Variants in MAP2 observed in about 807,000 individuals in gnomAD.
MAP2 encodes the protein microtubule associated protein 2, also known as microtubule-associated protein 2.
MAP2 carries 14 observed loss-of-function variants against 137.6 expected under a neutral mutation model. The ratio of observed to expected loss-of-function variants is 0.10; its 90% CI spans 0.07 to 0.16. The LOEUF is 0.16. Among genes scored for constraint, MAP2 ranks in the 10% least tolerant of loss-of-function variants. The probability of loss-of-function intolerance (pLI) is 1.00; values close to 1 mark genes in which losing one functional copy is unlikely to be tolerated. For synonymous variants in MAP2, 786 were observed against 782.3 expected, an observed-to-expected ratio of 1.00 and a Z score of -0.08; for missense variants, 2,088 against 2,191.5, an observed-to-expected ratio of 0.95 and a Z score of 0.94.
At chr2:209,469,165 A>AG (rs1392135718) in intron 1 of MAP2, among the ~76,000 whole-genome samples, 8 of 152,344 alleles carry the variant, frequency 5.3e-5, no homozygotes, top group African/African-American at 1.9e-4. Flanking sequence ...TTCCTCCATT[A>AG]GGAAACTCAT....
rs149689708 is a variant in MAP2 at position 209,669,599 on chromosome 2, A to G, written c.263-8973A>G. 7.2e-3 allele frequency among the ~76,000 whole-genome samples: 1,088 copies of G among 152,116 alleles called. 18 individuals carry two copies. Among genetic ancestry groups the G allele is most frequent in the South Asian group, 0.043 (209 of 4,824 alleles). The stretch of plus-strand genomic sequence containing the variant: ...TTAGAATGTAGAATTTTTTTCCATC[A>G]TATCCTGTCTCAGGCCAGCATTGGC... On this transcript the variant is annotated intron_variant, in intron 5 of 15. Coordinates refer to ENST00000682079, the MANE Select transcript of MAP2 (RefSeq NM_001375505.1).
intron 5 of MAP2, among the ~76,000 whole-genome samples, chr2:209,674,654 G>C (rs1290311777): frequency 6.6e-6 from 1 of 150,748 alleles, no homozygotes; most frequent in African/African-American, 2.5e-5. Context: ...TGGATGGATG[G>C]ATGGATGAGG....
chr2:209,543,586 TACA>T (rs2067434539), intron 2 of MAP2, among the ~76,000 whole-genome samples: 1 of 152,230 alleles, frequency 6.6e-6, no homozygotes, highest in African/African-American at 2.4e-5. Flanking sequence ...CTCCTTAGAA[TACA>T]ACGCTTCCTT....
At chr2:209,610,696 C>A (rs1459547187) in intron 3 of MAP2, among the ~76,000 whole-genome samples, 2 of 152,016 alleles carry the variant, frequency 1.3e-5, no homozygotes, top group South Asian at 2.1e-4. Flanking sequence ...ACGGAATAAG[C>A]AATCATGGCT....
chr2:209,717,819 GGTTTTTT>G (rs973230996), intron 13 of MAP2, among the ~76,000 whole-genome samples: 2 of 152,026 alleles, frequency 1.3e-5, no homozygotes, highest in East Asian at 3.9e-4. Flanking sequence ...GCAAAAAGGA[GGTTTTTT>G]GTTTTTTGTT....
chr2:209,665,048 T>C (rs1018272560), intron 5 of MAP2, among the ~76,000 whole-genome samples: 2 of 148,540 alleles, frequency 1.3e-5, no homozygotes, highest in African/African-American at 2.5e-5. Context: ...CTGAAAACAG[T>C]CTAGATTCAA....
chr2:209,565,220 T>C (rs1363406264), intron 2 of MAP2, among the ~76,000 whole-genome samples: 1 of 152,122 alleles, frequency 6.6e-6, no homozygotes, highest in African/African-American at 2.4e-5. Context: ...AAATTTCTTT[T>C]TGTTTTTATT....
intron 2 of MAP2, among the ~76,000 whole-genome samples, chr2:209,555,415 A>C (rs1310225277): frequency 6.6e-6 from 1 of 152,178 alleles, no homozygotes; most frequent in Non-Finnish European, 1.5e-5. Context: ...ATGGAGGCCG[A>C]GAGTTGGACA....
chr2:209,714,744 C>T (rs1381201524), intron 13 of MAP2, among the ~76,000 whole-genome samples: 1 of 152,172 alleles, frequency 6.6e-6, no homozygotes, highest in Non-Finnish European at 1.5e-5. Flanking sequence ...CACATTTTCA[C>T]AGAGTAAGAA....
chr2:209,549,305 A>C (rs764172071), intron 2 of MAP2, among the ~76,000 whole-genome samples: 6 of 152,186 alleles, frequency 3.9e-5, no homozygotes, highest in Non-Finnish European at 8.8e-5. Flanking sequence ...CACAGATGAG[A>C]AAACCAAGGT....
At chr2:209,462,443 A>T (rs1703051498) in intron 1 of MAP2, among the ~76,000 whole-genome samples, 1 of 152,190 alleles carries the variant, frequency 6.6e-6, no homozygotes, top group Admixed American at 6.5e-5. Context: ...GAGGTTTGAA[A>T]AATACTTAGT....
At chr2:209,558,543 C>T (rs569318679) in intron 2 of MAP2, among the ~76,000 whole-genome samples, 1 of 151,680 alleles carries the variant, frequency 6.6e-6, no homozygotes, top group Admixed American at 6.6e-5. Flanking sequence ...CTAAACACTT[C>T]GTCTTGTATC....
intron 2 of MAP2, among the ~76,000 whole-genome samples, chr2:209,546,738 A>G (rs1445873765): frequency 6.6e-6 from 1 of 152,250 alleles, no homozygotes; most frequent in African/African-American, 2.4e-5. Context: ...TATGTTACAA[A>G]TCAGAAAAAG....
intron 1 of MAP2, among the ~76,000 whole-genome samples, chr2:209,444,542 G>A (rs544382826): frequency 6.6e-6 from 1 of 151,514 alleles, no homozygotes; most frequent in East Asian, 1.9e-4. Context: ...GGGCTGGGCT[G>A]ATATTTTGAA....
chr2:209,524,233 A>C (rs571248989), intron 2 of MAP2, among the ~76,000 whole-genome samples: 1 of 152,260 alleles, frequency 6.6e-6, no homozygotes, highest in East Asian at 1.9e-4. Flanking sequence ...ATTTATCCCA[A>C]TTTAGAATCA....
chr2:209,622,247 A>G (rs918462776), intron 3 of MAP2, among the ~76,000 whole-genome samples: 1 of 152,204 alleles, frequency 6.6e-6, no homozygotes, highest in African/African-American at 2.4e-5. Flanking sequence ...CTTTGTAGGT[A>G]ATTCTAGTAA....
At chr2:209,505,106 T>C (rs1452295162) in intron 1 of MAP2, among the ~76,000 whole-genome samples, 1 of 152,156 alleles carries the variant, frequency 6.6e-6, no homozygotes, top group Non-Finnish European at 1.5e-5. Flanking sequence ...CTCTTTAAAT[T>C]TGTGGAGCAA....
chr2:209,424,734 G>A (rs1221248318), intron 1 of MAP2, among the ~76,000 whole-genome samples: 1 of 152,184 alleles, frequency 6.6e-6, no homozygotes, highest in Non-Finnish European at 1.5e-5. Context: ...AGTGAGGGAA[G>A]CCTTGTCCAT....
chr2:209,626,399 G>A (rs1358157289), intron 4 of MAP2, among the ~76,000 whole-genome samples: 1 of 152,086 alleles, frequency 6.6e-6, no homozygotes, highest in Non-Finnish European at 1.5e-5. Flanking sequence ...AGGTGACAGT[G>A]CAAGACTCTG....
Sources: gnomAD v4.1 joint callset for allele counts (sites outside exome capture counted in the v4.1 genomes callset) on GRCh38, gnomAD v4.1.1 for gene constraint, MANE v1.5 for transcripts, NCBI Gene and HGNC (gene_info 2026-07-23, HGNC 2026-07-21) for gene names.